Variants in PCDHA5 observed in about 807,000 individuals in gnomAD.
The protein encoded by PCDHA5 is protocadherin alpha-5.
A neutral mutation model predicts 61.6 loss-of-function variants in PCDHA5; 43 were observed. That is an observed-to-expected ratio of 0.70 (90% CI 0.55 to 0.90). The LOEUF (loss-of-function observed/expected upper bound fraction) is 0.90. PCDHA5 is among the 40% of genes least tolerant of loss of function. PCDHA5 has a pLI of 0.00. For missense variants in PCDHA5, 1,298 were observed against 1,222.7 expected (o/e 1.06, Z -0.92); for synonymous variants, 627 against 543.9 (o/e 1.15, Z -2.13).
chr5:140,968,068 C>T (rs1554230278), intron 1 of PCDHA5: 1 of 1,614,024 alleles, frequency 6.2e-7, no homozygotes, highest in East Asian at 2.2e-5. Context: ...GGGTGGCTGT[C>T]TACAACATCA....
rs782517492 is a variant in PCDHA5, at chr5:140,857,455, A to G, written c.2352+33328A>G. The G allele has an allele frequency of 3.4e-5, 54 of 1,598,538 alleles. 6 individuals carry two copies. Among genetic ancestry groups the G allele is most frequent in the Admixed American group, 1.0e-4 (6 of 59,344 alleles). On this transcript the variant is annotated intron_variant, in intron 1 of 3. Transcript: ENST00000529859. ...TGTTCGTGAAGGAGAACAACCCGCC[A>G]GGCTGCCACATCTTCACGGTGTCTG...
At chr5:140,927,409 A>T (rs1554204480) in intron 1 of PCDHA5, 4 of 1,614,120 alleles carry the variant, frequency 2.5e-6, no homozygotes, top group Non-Finnish European at 3.4e-6. Context: ...TCGCCTGGAC[A>T]TGGGATCGCG....
intron 1 of PCDHA5, chr5:140,836,205 T>C (rs1774283455): frequency 1.2e-6 from 2 of 1,613,668 alleles, no homozygotes; most frequent in African/African-American, 2.7e-5. Flanking sequence ...CGCGTGGCTT[T>C]CGTATGAGTT....
At position 140,944,954 on chromosome 5, in the gene PCDHA5, G is replaced by T. The variant is rs59917150; in HGVS notation, c.2353-33995G>T. Among the ~76,000 whole-genome samples the T allele has an allele frequency of 8.9e-3, 1,356 of 152,182 alleles. 15 individuals are homozygous for T. Among genetic ancestry groups the T allele is most frequent in the African/African-American group, 0.032 (1,311 of 41,514 alleles). ...CTTCTTTAGATGATTGTGAATAAGA[G>T]TATTATCTTAACCTCTCTGGTGGGT... On this transcript the variant is annotated intron_variant, in intron 1 of 3. Coordinates refer to ENST00000529859, the MANE Select transcript of PCDHA5 (RefSeq NM_018908.3).
In PCDHA5 at chr5:140,857,592, A is replaced by G. The variant is rs782473553; in HGVS notation, c.2352+33465A>G. On this transcript the variant is annotated intron_variant, in intron 1 of 3. Coordinates refer to ENST00000529859, the MANE Select transcript of PCDHA5 (RefSeq NM_018908.3). ...GTGTCGGTGCACGCGGAGAGCGGCA[A>G]GGTGTACGCGCTGCAGCCGCTGGAC... 5 of 1,596,098 alleles carry G rather than the reference A, an allele frequency of 3.1e-6. No individual in the cohort carries two copies. In the African/African-American group the frequency reaches 6.7e-5, roughly 21 times the overall value.
intron 1 of PCDHA5, chr5:140,854,437 A>G (rs551404343): frequency 6.6e-6 from 1 of 150,916 alleles, no homozygotes; most frequent in African/African-American, 2.4e-5. Context: ...AATTTGAATG[A>G]ATTTTGATGC....
chr5:140,829,623 A>G, intron 1 of PCDHA5: 1 of 1,612,184 alleles, frequency 6.2e-7, no homozygotes, highest in Non-Finnish European at 8.5e-7. Flanking sequence ...ATTTCGGTGC[A>G]CGCGGAGAGC....
chr5:140,876,743 T>G, intron 1 of PCDHA5: 5 of 1,614,200 alleles, frequency 3.1e-6, no homozygotes, highest in Non-Finnish European at 4.2e-6. Flanking sequence ...TATGAGCTGG[T>G]GGTGACTGCG....
chr5:140,941,251 CTTTCTCTT>C (rs1456097006), intron 1 of PCDHA5, among the ~76,000 whole-genome samples: 2 of 121,786 alleles, frequency 1.6e-5, no homozygotes, highest in Non-Finnish European at 3.5e-5. Context: ...TTCTTTCTTT[CTTTCTCTT>C]TCTTTCTTTC....
chr5:140,920,137 T>C (rs182001221), intron 1 of PCDHA5, among the ~76,000 whole-genome samples: 29 of 152,242 alleles, frequency 1.9e-4, no homozygotes, highest in Admixed American at 1.8e-3. Flanking sequence ...TTAATTCTCC[T>C]CTCCAAACCT....
chr5:140,927,440 C>G (rs782460713), intron 1 of PCDHA5: 2 of 1,614,168 alleles, frequency 1.2e-6, no homozygotes, highest in East Asian at 4.5e-5. Flanking sequence ...AGCGAATACC[C>G]GGAGTTGGTG....
At chr5:140,848,903 A>T in intron 1 of PCDHA5, 1 of 1,607,734 alleles carries the variant, frequency 6.2e-7, no homozygotes, top group Non-Finnish European at 8.5e-7. Context: ...TCCCAGCGAC[A>T]CAAAAGAATC....
intron 1 of PCDHA5, chr5:140,966,731 G>A: frequency 7.1e-7 from 1 of 1,405,136 alleles, no homozygotes; most frequent in Non-Finnish European, 9.2e-7. Context: ...TGCCGCCTCC[G>A]GCCCTGCCCG....
rs548429892 is a variant in PCDHA5 at position 140,891,971 on chromosome 5, G to A, written c.2352+67844G>A. Among the ~76,000 whole-genome samples the A allele has an allele frequency of 9.9e-5, 15 of 152,232 alleles. No homozygotes were observed. In the South Asian group the frequency reaches 1.9e-3, roughly 19 times the overall value. On this transcript the variant is annotated intron_variant, in intron 1 of 3. Transcript: ENST00000529859. ...CCAGAATTGTGAGAAGTAAATTTCC[G>A]TTCTCATAAATTACTCAGTCTGTGG...
chr5:141,010,470 G>A lies in PCDHA5; in HGVS notation c.*533G>A. ...ACAGCGGAAGTTATCAGTATGGAGG[G>A]GAAGTGTAAACTTAAAGGGACCAGA... On this transcript the variant is annotated 3_prime_UTR_variant, in exon 4 of 4. Transcript: ENST00000529859. The A allele has an allele frequency of 2.6e-6, 2 of 780,290 alleles. No homozygotes were observed. The highest frequency in any genetic ancestry group is 3.0e-5 in the East Asian group (1 of 33,872). 48.3% of individuals were successfully genotyped at this position (780,290 alleles called of 1,614,324 possible).
intron 1 of PCDHA5, chr5:140,929,631 A>G (rs1584645197): frequency 2.6e-6 from 1 of 386,808 alleles, no homozygotes; most frequent in Non-Finnish European, 4.7e-6. Flanking sequence ...TTTATAAGCA[A>G]CAGATGTGTA....
intron 1 of PCDHA5, chr5:140,869,327 T>C: frequency 6.2e-7 from 1 of 1,613,922 alleles, no homozygotes; most frequent in Non-Finnish European, 8.5e-7. Context: ...GGGGACCTTC[T>C]GGAGGTAAAT....
At chr5:140,835,766 G>A in intron 1 of PCDHA5, 2 of 1,613,386 alleles carry the variant, frequency 1.2e-6, no homozygotes, top group Non-Finnish European at 1.7e-6. Context: ...CCGAGTATAC[G>A]GTGTTCGTGA....
intron 1 of PCDHA5, chr5:140,869,195 T>A (rs1554162619): frequency 6.2e-7 from 1 of 1,613,916 alleles, no homozygotes; most frequent in East Asian, 2.2e-5. Flanking sequence ...AGCGGCCAGC[T>A]CCACTACTCC....
Sources: allele counts gnomAD v4.1 joint callset (sites outside exome capture counted in the v4.1 genomes callset), GRCh38; gene constraint gnomAD v4.1.1; transcripts MANE v1.5; gene names NCBI Gene and HGNC (gene_info 2026-07-23, HGNC 2026-07-21).